CD55: variants seen among roughly 807,000 people sequenced by gnomAD.
CD55 encodes complement decay-accelerating factor.
CD55 carries 41 observed loss-of-function variants against 45.8 expected under a neutral mutation model. The ratio of observed to expected loss-of-function variants is 0.90; its 90% CI spans 0.70 to 1.16. The LOEUF (loss-of-function observed/expected upper bound fraction) is 1.16, where lower values mean the gene tolerates loss of function less well. Ranked by LOEUF, CD55 falls within the 50% of genes most tolerant of loss-of-function variation. CD55 has a pLI of 0.00. For missense variants in CD55, 416 were observed against 469.8 expected (o/e 0.89, Z 1.06); for synonymous variants, 181 against 181.1 (o/e 1.00, Z 0.01).
chr1:207,323,478 C>T (rs1342733596), intron 2 of CD55, among the ~76,000 whole-genome samples: 3 of 152,042 alleles, frequency 2.0e-5, no homozygotes, highest in Non-Finnish European at 4.4e-5. Flanking sequence ...AATATACATA[C>T]AGTCATCCAC....
chr1:207,340,734 A>G, intron 9 of CD55: 1 of 471,984 alleles, frequency 2.1e-6, no homozygotes, highest in Non-Finnish European at 3.8e-6. Flanking sequence ...TGCTATTGTG[A>G]ATAGTGCTTC....
At chr1:207,335,677 G>A (rs7544288) in intron 6 of CD55, among the ~76,000 whole-genome samples, 57,393 of 151,828 alleles carry the variant, frequency 0.38, 11,712 homozygotes, top group Middle Eastern at 0.53. Context: ...CCTGCTAGGC[G>A]TTTTACTCAA....
At chr1:207,353,019 G>A (rs1456556624) in intron 9 of CD55, among the ~76,000 whole-genome samples, 1 of 135,730 alleles carries the variant, frequency 7.4e-6, no homozygotes, top group Non-Finnish European at 1.5e-5. Context: ...AGAGGCCGAT[G>A]ACTAGTTTCT....
chr1:207,340,500 G>A, intron 9 of CD55: 1 of 690,540 alleles, frequency 1.4e-6, no homozygotes, highest in Non-Finnish European at 2.6e-6. Context: ...CAAGTAGCTG[G>A]TACTACAGGT....
intron 9 of CD55, chr1:207,340,272 C>T (rs1655364598): frequency 3.4e-6 from 1 of 294,096 alleles, no homozygotes; most frequent in Admixed American, 5.2e-5. Context: ...TAGTTCCATT[C>T]ATGTTGCTGC....
At chr1:207,340,641 A>G (rs910771441) in intron 9 of CD55, 6 of 657,498 alleles carry the variant, frequency 9.1e-6, no homozygotes, top group Middle Eastern at 2.4e-4. Flanking sequence ...CGTTGCGATT[A>G]TAAGTGTGAG....
intron 9 of CD55, among the ~76,000 whole-genome samples, chr1:207,352,889 A>G (rs1286055589): frequency 6.6e-6 from 1 of 151,552 alleles, no homozygotes; most frequent in Non-Finnish European, 1.5e-5. Context: ...TTAATGTATT[A>G]TTTCATATTC....
intron 3 of CD55, among the ~76,000 whole-genome samples, chr1:207,324,958 T>C (rs1654605138): frequency 6.6e-6 from 1 of 152,182 alleles, no homozygotes; most frequent in Non-Finnish European, 1.5e-5. Flanking sequence ...ATTTAATTAG[T>C]TTGAGGTTAC....
At chr1:207,356,729 A>G (rs1009724533) in intron 9 of CD55, among the ~76,000 whole-genome samples, 22 of 152,190 alleles carry the variant, frequency 1.4e-4, no homozygotes, top group African/African-American at 4.3e-4. Context: ...GCACATAGTA[A>G]GCACTCAGAT....
intron 9 of CD55, among the ~76,000 whole-genome samples, chr1:207,345,188 C>A (rs575021288): frequency 3.3e-4 from 50 of 152,146 alleles, no homozygotes; most frequent in Middle Eastern, 6.8e-3. Flanking sequence ...GAATAGTTGG[C>A]CACTTTAGGG....
chr1:207,334,576 T>G (rs927463077), intron 6 of CD55, among the ~76,000 whole-genome samples: 2 of 152,106 alleles, frequency 1.3e-5, no homozygotes, highest in African/African-American at 4.8e-5. Flanking sequence ...GTAAATTCAT[T>G]TAAAGGTTAC....
At chr1:207,348,021 G>A (rs1010774421) in intron 9 of CD55, among the ~76,000 whole-genome samples, 3 of 152,170 alleles carry the variant, frequency 2.0e-5, no homozygotes, top group African/African-American at 7.2e-5. Flanking sequence ...ATTGTGAAAA[G>A]TGCTGATGAA....
intron 2 of CD55, 139 bp downstream of exon 2, chr1:207,322,706 A>C (rs1317402077): frequency 1.5e-6 from 1 of 671,072 alleles, no homozygotes; most frequent in Non-Finnish European, 2.4e-6. Context: ...GGCACGTCAC[A>C]CTCCAGCTAA....
chr1:207,347,147 AGAG>A (rs1239741805), intron 9 of CD55: 1 of 456,202 alleles, frequency 2.2e-6, no homozygotes, highest in East Asian at 6.9e-5. Flanking sequence ...TCTCCATGGA[AGAG>A]GAGAAGACCA....
At chr1:207,346,463 G>C (rs1215826303) in intron 9 of CD55, among the ~76,000 whole-genome samples, 1 of 152,138 alleles carries the variant, frequency 6.6e-6, no homozygotes, top group Non-Finnish European at 1.5e-5. Context: ...CTGGTGGAAT[G>C]CTTAGGTGAG....
At chr1:207,350,188 C>T (rs542868331) in intron 9 of CD55, 2 of 438,690 alleles carry the variant, frequency 4.6e-6, no homozygotes, top group Non-Finnish European at 9.1e-6. Context: ...GTTGAGCCAA[C>T]CTTGCATCCC....
At chr1:207,355,375 G>A (rs891707846) in intron 9 of CD55, among the ~76,000 whole-genome samples, 1 of 152,100 alleles carries the variant, frequency 6.6e-6, no homozygotes, top group African/African-American at 2.4e-5. Flanking sequence ...GAGAGAATGA[G>A]GATGGTGAGA....
chr1:207,322,000 T>G (rs1654431492), intron 1 of CD55, 135 bp downstream of exon 1: 2 of 642,340 alleles, frequency 3.1e-6, no homozygotes, highest in South Asian at 3.8e-5. Flanking sequence ...CGCCGTCCTG[T>G]GCCTTTAAGG....
chr1:207,345,891 C>G (rs1655614566), intron 9 of CD55, among the ~76,000 whole-genome samples: 1 of 152,172 alleles, frequency 6.6e-6, no homozygotes. Context: ...GATGCGGTTA[C>G]TAGTGGAGAT....
Sources: gnomAD v4.1 joint callset for allele counts (sites outside exome capture counted in the v4.1 genomes callset) on GRCh38, gnomAD v4.1.1 for gene constraint, MANE v1.5 for transcripts, NCBI Gene and HGNC (gene_info 2026-07-23, HGNC 2026-07-21) for gene names.